The following WDR72 variants were observed in gnomAD, a reference collection of about 807,000 sequenced individuals.
The protein encoded by WDR72 is WD repeat domain 72, also known as WD repeat-containing protein 72.
In WDR72, 120 loss-of-function variants were observed where a neutral mutation model predicts 124.2. That is an observed-to-expected ratio of 0.97 (90% CI 0.83 to 1.12). The LOEUF is 1.12. Among genes scored for constraint, WDR72 ranks in the 50% most tolerant of loss-of-function variants. The pLI is 0.00. For missense variants in WDR72, 1,387 were observed against 1,278.8 expected (o/e 1.08, Z -1.29); for synonymous variants, 452 against 441.7 (o/e 1.02, Z -0.29).
chr15:53,712,662 T>C, intron 7 of WDR72, 110 bp downstream of exon 7: 1 of 1,118,644 alleles, frequency 8.9e-7, no homozygotes, highest in South Asian at 1.4e-5. Flanking sequence ...GTTCTGGTAA[T>C]ACTATTACAG....
intron 14 of WDR72, among the ~76,000 whole-genome samples, chr15:53,664,309 C>T (rs1484271837): frequency 4.6e-5 from 7 of 152,160 alleles, no homozygotes; most frequent in African/African-American, 1.7e-4. Context: ...AATTGTCATT[C>T]TAGTTTATAT....
At chr15:53,523,189 A>T in intron 19 of WDR72, 29 bp downstream of exon 19, 1 of 1,603,146 alleles carries the variant, frequency 6.2e-7, no homozygotes, top group Non-Finnish European at 8.5e-7. Flanking sequence ...TTATCATTTT[A>T]TACTTGACTA....
At chr15:53,576,578 T>C (rs1402571499) in intron 18 of WDR72, among the ~76,000 whole-genome samples, 1 of 152,108 alleles carries the variant, frequency 6.6e-6, no homozygotes, top group East Asian at 1.9e-4. Context: ...AAATAATTCC[T>C]TTCCTTCTCT....
chr15:53,643,794 C>T (rs192964692), intron 14 of WDR72, among the ~76,000 whole-genome samples: 35 of 152,054 alleles, frequency 2.3e-4, no homozygotes, highest in Middle Eastern at 6.8e-3. Context: ...CAACAACTTA[C>T]CATTTCCATG....
intron 14 of WDR72, among the ~76,000 whole-genome samples, chr15:53,663,458 G>C (rs2140447718): frequency 6.6e-6 from 1 of 152,016 alleles, no homozygotes; most frequent in Admixed American, 6.6e-5. Context: ...TTGAAGTCAA[G>C]GAATAAACAA....
intron 14 of WDR72, among the ~76,000 whole-genome samples, chr15:53,661,486 G>T (rs2015607408): frequency 6.6e-6 from 1 of 152,140 alleles, no homozygotes; most frequent in Non-Finnish European, 1.5e-5. Context: ...TATGCCCCAT[G>T]ACCTAAAGAC....
intron 14 of WDR72, among the ~76,000 whole-genome samples, 181 bp downstream of exon 14, chr15:53,665,391 T>C (rs1165936754): frequency 1.3e-5 from 2 of 152,206 alleles, no homozygotes; most frequent in Non-Finnish European, 2.9e-5. Context: ...AATCATGCCA[T>C]AGTAAGTATA....
At chr15:53,605,371 G>C (rs571955997) in intron 17 of WDR72, among the ~76,000 whole-genome samples, 27 of 152,276 alleles carry the variant, frequency 1.8e-4, no homozygotes, top group Non-Finnish European at 3.5e-4. Flanking sequence ...GAGAGGATCA[G>C]GAAAAACTAC....
At chr15:53,540,923 A>C (rs943669718) in intron 18 of WDR72, 1 of 155,530 alleles carries the variant, frequency 6.4e-6, no homozygotes, top group African/African-American at 2.4e-5. Flanking sequence ...CCGAATATTG[A>C]GCTTTTCGGA....
chr15:53,608,008 C>G (rs2013361949), intron 17 of WDR72, among the ~76,000 whole-genome samples: 1 of 152,118 alleles, frequency 6.6e-6, no homozygotes, highest in Non-Finnish European at 1.5e-5. Flanking sequence ...CAGGCAATAT[C>G]AAAAGCTGGT....
chr15:53,579,552 T>C (rs534631680), intron 18 of WDR72, among the ~76,000 whole-genome samples: 2 of 152,128 alleles, frequency 1.3e-5, no homozygotes, highest in African/African-American at 2.4e-5. Flanking sequence ...AAATACTAAA[T>C]AAAGACCACC....
chr15:53,658,769 C>G (rs568627176), intron 14 of WDR72, among the ~76,000 whole-genome samples: 1 of 152,156 alleles, frequency 6.6e-6, no homozygotes, highest in African/African-American at 2.4e-5. Context: ...TCTGAAAACT[C>G]TCCATTTGTA....
intron 14 of WDR72, among the ~76,000 whole-genome samples, chr15:53,639,902 G>C (rs2014784029): frequency 1.3e-5 from 2 of 151,920 alleles, no homozygotes; most frequent in Admixed American, 6.6e-5. Context: ...AAAACATGAG[G>C]TATTTTATAG....
At chr15:53,667,910 C>T (rs2015835235) in intron 13 of WDR72, among the ~76,000 whole-genome samples, 1 of 152,124 alleles carries the variant, frequency 6.6e-6, no homozygotes, top group South Asian at 2.1e-4. Flanking sequence ...AGTTTATCTA[C>T]AAACTTAGGT....
At chr15:53,562,438 C>A (rs1013368685) in intron 18 of WDR72, among the ~76,000 whole-genome samples, 1 of 151,748 alleles carries the variant, frequency 6.6e-6, no homozygotes, top group Non-Finnish European at 1.5e-5. Context: ...GTTGCTGATT[C>A]AGTAGGTCTT....
At chr15:53,608,789 A>AATAAATAAATAAAT (rs2013403334) in intron 17 of WDR72, among the ~76,000 whole-genome samples, 1 of 78,632 alleles carries the variant, frequency 1.3e-5, no homozygotes, top group South Asian at 5.1e-4. Context: ...AATAAATATA[A>AATAAATAAATAAAT]AAATAAAAAC....
At chr15:53,748,990 T>A (rs1306984765) in intron 1 of WDR72, among the ~76,000 whole-genome samples, 1 of 152,158 alleles carries the variant, frequency 6.6e-6, no homozygotes, top group Non-Finnish European at 1.5e-5. Context: ...TCAAGGAGCT[T>A]ACTGGTGTCT....
At chr15:53,736,592 C>A (rs1012504092) in intron 1 of WDR72, among the ~76,000 whole-genome samples, 1 of 152,088 alleles carries the variant, frequency 6.6e-6, no homozygotes, top group African/African-American at 2.4e-5. Context: ...AGTGTTGAAG[C>A]CCAAGGAGGA....
At chr15:53,632,579 A>G (rs754105352) in intron 14 of WDR72, among the ~76,000 whole-genome samples, 7 of 152,164 alleles carry the variant, frequency 4.6e-5, no homozygotes, top group Non-Finnish European at 1.0e-4. Flanking sequence ...AGAATGGTAG[A>G]TTCACCAGTA....
Sources: allele counts gnomAD v4.1 joint callset (sites outside exome capture counted in the v4.1 genomes callset), GRCh38; gene constraint gnomAD v4.1.1; transcripts MANE v1.5; gene names NCBI Gene and HGNC (gene_info 2026-07-23, HGNC 2026-07-21).